ITGA3: variants seen among roughly 807,000 people sequenced by gnomAD.
The protein encoded by ITGA3 is integrin subunit alpha 3, also known as integrin alpha-3.
A neutral mutation model predicts 131.1 loss-of-function variants in ITGA3; 70 were observed. The ratio of observed to expected loss-of-function variants is 0.53; its 90% confidence interval spans 0.44 to 0.65. The LOEUF (loss-of-function observed/expected upper bound fraction) is 0.65. ITGA3 is among the 30% of genes least tolerant of loss of function. The pLI, the probability that ITGA3 is intolerant of heterozygous loss-of-function variation, is 0.00. For missense variants in ITGA3, 1,098 were observed against 1,388.6 expected (o/e 0.79, Z 3.33); for synonymous variants, 537 against 571.6 (o/e 0.94, Z 0.86).
chr17:50,085,847 T>C (rs1273694682), intron 23 of ITGA3, among the ~76,000 whole-genome samples: 9 of 74,472 alleles, frequency 1.2e-4, no homozygotes, highest in African/African-American at 3.5e-4. Context: ...CATTATAGAT[T>C]TATAATGTAT....
chr17:50,083,869 T>C (rs1447819155), intron 23 of ITGA3, among the ~76,000 whole-genome samples: 1 of 152,070 alleles, frequency 6.6e-6, no homozygotes, highest in Admixed American at 6.6e-5. Context: ...AATACAAATG[T>C]TCATCTTGCT....
Position 50,056,607 on chromosome 17 carries a change from C to T in ITGA3, c.168C>T (p.Val56=). The T allele has an allele frequency of 1.9e-6, 3 of 1,599,984 alleles. No individual in the cohort carries two copies. The highest frequency in any genetic ancestry group is 1.3e-5 in the African/African-American group (1 of 74,778). ...CGGGCAGCCTCTTCGGCTACTCGGTCGCCCTCCATCGGCAGACAGAGCGGC... is the reference window on the plus strand; with the variant it reads ...CGGGCAGCCTCTTCGGCTACTCGGTTGCCCTCCATCGGCAGACAGAGCGGC... ...GNPGSLFGYS[V]ALHRQTERQQ... The change falls in exon 1 of 26, where the codon GTC becomes GTT. Residue 56 remains valine, a synonymous_variant. Transcript: ENST00000320031. The surrounding 1 kb of genome is among the most constrained non-coding windows in gnomAD (Gnocchi z 5.6).
In ITGA3 at chr17:50,075,598, GC is replaced by G. The variant is rs759384169; in HGVS notation, c.1540del (p.Leu514TrpfsTer44). Reference sequence around the variant, plus strand: ...TTGCTGACCACCCTGTCTACCTGTAGCCCTGGCCTACACTCTGGAGGCTGAC... The same window carrying G: ...TTGCTGACCACCCTGTCTACCTGTAGCCTGGCCTACACTCTGGAGGCTGAC... ...AGNPNYRRNI[T>X]LAYTLEADRD... is the part of the protein sequence containing the mutation. On this transcript the variant is annotated frameshift_variant and splice_region_variant, in exon 12 of 26. Transcript: ENST00000320031. LOFTEE classifies it high-confidence loss of function. The G allele has an allele frequency of 6.2e-7, 1 of 1,614,228 alleles. No individual in the cohort carries two copies. The highest frequency in any genetic ancestry group is 8.5e-7 in the Non-Finnish European group (1 of 1,180,038).
Position 50,056,125 on chromosome 17 carries a change from C to G in ITGA3, c.-315C>G. ...TGCGCTTGCCAGATCCGCCGCGAAG[C>G]CGGGATCGAAGGCGACAGCGCGGCC... On this transcript the variant is annotated 5_prime_UTR_variant, in exon 1 of 26. Transcript: ENST00000320031. The surrounding 1 kb of genome is among the most constrained non-coding windows in gnomAD (Gnocchi z 5.6). 3.3e-6 allele frequency: 1 copy of G among 307,242 alleles called. No homozygotes were observed. The highest frequency in any genetic ancestry group is 5.9e-6 in the Non-Finnish European group (1 of 168,120). The allele number at this position is 307,242 out of a possible 1,614,324, so 19.0% of individuals were successfully genotyped here.
In ITGA3 at chr17:50,077,064, C is replaced by T. The variant is rs1374169799; in HGVS notation, c.2013C>T (p.His671=). 2.5e-6 allele frequency: 4 copies of T among 1,600,366 alleles called. No individual in the cohort carries two copies. Among genetic ancestry groups the T allele is most frequent in the African/African-American group, 2.7e-5 (2 of 74,656 alleles). The change falls in exon 15 of 26, where the codon CAC becomes CAT. Residue 671 remains histidine (H), a synonymous_variant. Transcript: ENST00000320031. ...RTSERSGEDA[H]EALLTLVVPP... is the part of the protein sequence containing the mutation. ...CGGAGCGCTCCGGGGAGGACGCCCA[C>T]GAGGCGCTGCTCACCCTGGTGGTGC...
chr17:50,075,328 G>T (rs1177392663), intron 10 of ITGA3, 131 bp from the exon 11 acceptor site: 17 of 839,772 alleles, frequency 2.0e-5, no homozygotes, highest in Non-Finnish European at 3.2e-5. Context: ...CTGCTTTGTG[G>T]ACTCCCCAGT....
chr17:50,090,094 C>A lies in ITGA3; in HGVS notation c.*1016C>A. 1 of 350,756 alleles carries A rather than the reference C, an allele frequency of 2.9e-6. No individual in the cohort carries two copies. The highest frequency in any genetic ancestry group is 5.9e-6 in the Non-Finnish European group (1 of 169,804). 21.7% of individuals were successfully genotyped at this position (350,756 alleles called of 1,614,324 possible). A position where few individuals can be genotyped will look rare whatever the true frequency, so the allele number is the denominator to read the frequency against. The stretch of plus-strand genomic sequence containing the variant: ...GCCACTTCTCACTCACCACTACCAG[C>A]CAGCCTCAGAAGGCCCCAGAGAGAC... On this transcript the variant is annotated 3_prime_UTR_variant, in exon 26 of 26. Transcript: ENST00000320031.
chr17:50,068,043 G>T lies in ITGA3; in HGVS notation c.415-13G>T, dbSNP rs773509079. On this transcript the variant is annotated splice_polypyrimidine_tract_variant and intron_variant, in intron 3 of 25. Transcript: ENST00000320031. ...TGCCTGACTAAGGCTGCCTGTGTTT[G>T]GGGGGTCCCCAGGTCTGTGCCCACC... is the stretch of plus-strand genomic sequence containing the variant. 5 of 1,613,390 alleles carry T rather than the reference G, an allele frequency of 3.1e-6. No individual in the cohort carries two copies. Among genetic ancestry groups the T allele is most frequent in the Non-Finnish European group, 4.2e-6 (5 of 1,179,834 alleles).
intron 25 of ITGA3, 116 bp from the exon 26 acceptor site, chr17:50,088,994 G>A (rs944194518): frequency 1.3e-5 from 10 of 754,440 alleles, no homozygotes; most frequent in African/African-American, 1.0e-4. Context: ...GATGCGTTTC[G>A]GTCAAGAGTT....
At chr17:50,088,431 A>G in intron 25 of ITGA3, 65 bp downstream of exon 25, 2 of 807,416 alleles carry the variant, frequency 2.5e-6, no homozygotes, top group South Asian at 1.5e-5. Context: ...ACTCTGTCCT[A>G]TCTGCTCCTC....
At chr17:50,087,706 G>T in intron 23 of ITGA3, 38 bp from the exon 24 acceptor site, 1 of 1,593,550 alleles carries the variant, frequency 6.3e-7, no homozygotes, top group Non-Finnish European at 8.6e-7. Flanking sequence ...GGCCTAAGCA[G>T]GCTGACACAG....
Position 50,079,412 on chromosome 17 carries a change from C to A in ITGA3, c.2584-23C>A, listed in dbSNP as rs34133847. 4.0e-3 allele frequency: 6,168 copies of A among 1,549,054 alleles called. 16 individuals are homozygous for A. The highest frequency in any genetic ancestry group is 4.5e-3 in the Non-Finnish European group (5,195 of 1,146,366). ...CCCAATTCTTCCTCTGCCCTGCCAG[C>A]AAATCTCCTATTTCCTCTCCAGGAC... On this transcript the variant is annotated intron_variant, in intron 20 of 25. Transcript: ENST00000320031.
chr17:50,081,245 A>T, intron 22 of ITGA3, 65 bp from the exon 23 acceptor site: 2 of 1,031,708 alleles, frequency 1.9e-6, no homozygotes, highest in Non-Finnish European at 2.9e-6. Context: ...GGGAAAGCTT[A>T]GGGTCGGAGG....
intron 24 of ITGA3, 154 bp from the exon 25 acceptor site, chr17:50,088,071 A>G: frequency 8.1e-7 from 1 of 1,234,532 alleles, no homozygotes; most frequent in East Asian, 2.6e-5. Context: ...GGAAAGGGGG[A>G]CCCAGGAGCT....
At position 50,056,613 on chromosome 17, in the gene ITGA3, C is replaced by A; in HGVS notation, c.174C>A (p.Leu58=). The change falls in exon 1 of 26, where the codon CTC becomes CTA. Residue 58 remains leucine (L), a synonymous_variant. Transcript: ENST00000320031. The surrounding 1 kb of genome is among the most constrained non-coding windows in gnomAD (Gnocchi z 5.6). ...GCCTCTTCGGCTACTCGGTCGCCCT[C>A]CATCGGCAGACAGAGCGGCAGCAGC... ...PGSLFGYSVA[L]HRQTERQQRY... 1.2e-6 allele frequency: 2 copies of A among 1,602,088 alleles called. No individual in the cohort carries two copies. The highest frequency in any genetic ancestry group is 1.3e-5 in the African/African-American group (1 of 74,848).
chr17:50,087,580 TG>T, intron 23 of ITGA3, 163 bp from the exon 24 acceptor site: 2 of 699,246 alleles, frequency 2.9e-6, no homozygotes, highest in Non-Finnish European at 2.4e-6. Flanking sequence ...GAAGGACCAC[TG>T]GACCTGCTGT....
chr17:50,062,643 G>A (rs2144260633), intron 1 of ITGA3, among the ~76,000 whole-genome samples: 1 of 152,286 alleles, frequency 6.6e-6, no homozygotes, highest in East Asian at 1.9e-4. Context: ...CTCCCAGTGG[G>A]TGGAGATACC....
At chr17:50,071,816 T>C in intron 6 of ITGA3, 170 bp from the exon 7 acceptor site, 1 of 647,714 alleles carries the variant, frequency 1.5e-6, no homozygotes, top group Non-Finnish European at 2.7e-6. Flanking sequence ...GTGGGTCATA[T>C]TGGCATCTCC....
At chr17:50,074,032 GC>G in intron 8 of ITGA3, 28 bp downstream of exon 8, 1 of 1,570,980 alleles carries the variant, frequency 6.4e-7, no homozygotes, top group Non-Finnish European at 8.8e-7. Flanking sequence ...TGGGTCTGCT[GC>G]CCCCACCAGC....
Sources: allele counts gnomAD v4.1 joint callset (sites outside exome capture counted in the v4.1 genomes callset), GRCh38; gene constraint gnomAD v4.1.1; non-coding constraint Gnocchi (gnomAD v3.1); transcripts MANE v1.5; gene names NCBI Gene and HGNC (gene_info 2026-07-23, HGNC 2026-07-21).